Variants in MALRD1 observed in about 807,000 individuals in gnomAD.
MALRD1 encodes the protein MAM and LDL receptor class A domain containing 1.
MALRD1 carries 247 observed loss-of-function variants against 242.1 expected under a neutral mutation model. That is an observed-to-expected ratio of 1.02 (90% CI 0.92 to 1.13). The LOEUF is 1.13. MALRD1 is among the 50% of genes most tolerant of loss of function. The pLI, the probability that MALRD1 is intolerant of heterozygous loss-of-function variation, is 0.00. For missense variants in MALRD1, 2,989 were observed against 2,533.1 expected (o/e 1.18, Z -3.86); for synonymous variants, 995 against 866.6 (o/e 1.15, Z -2.60).
intron 33 of MALRD1, among the ~76,000 whole-genome samples, chr10:19,591,930 T>C (rs1052151526): frequency 6.6e-6 from 1 of 152,200 alleles, no homozygotes; most frequent in Non-Finnish European, 1.5e-5. Flanking sequence ...TATAGATTTA[T>C]AGTAGAATAC....
intron 12 of MALRD1, among the ~76,000 whole-genome samples, chr10:19,162,670 C>T (rs959073812): frequency 9.9e-5 from 15 of 151,994 alleles, no homozygotes; most frequent in African/African-American, 3.4e-4. Flanking sequence ...AATAACATGC[C>T]GGCAAGGTTG....
intron 11 of MALRD1, among the ~76,000 whole-genome samples, chr10:19,148,946 T>G (rs1469909467): frequency 6.6e-6 from 1 of 151,700 alleles, no homozygotes; most frequent in Non-Finnish European, 1.5e-5. Context: ...GAAAGGAAAG[T>G]GAAATGGAAA....
intron 36 of MALRD1, among the ~76,000 whole-genome samples, chr10:19,673,164 C>T (rs536285902): frequency 7.2e-5 from 11 of 152,110 alleles, no homozygotes; most frequent in East Asian, 3.9e-4. Context: ...GGGCAGATCC[C>T]GAGGTCAGGA....
chr10:19,152,905 G>T (rs1165003065), intron 11 of MALRD1, among the ~76,000 whole-genome samples: 1 of 151,962 alleles, frequency 6.6e-6, no homozygotes, highest in African/African-American at 2.4e-5. Flanking sequence ...ATTGATAGTT[G>T]TGACAGAAAT....
intron 21 of MALRD1, among the ~76,000 whole-genome samples, chr10:19,295,530 A>T (rs1456055370): frequency 1.3e-5 from 2 of 151,798 alleles, no homozygotes; most frequent in African/African-American, 4.8e-5. Flanking sequence ...CAGTCAGAAG[A>T]TAATAGATGT....
intron 29 of MALRD1, among the ~76,000 whole-genome samples, chr10:19,457,140 T>A (rs1835702639): frequency 6.6e-6 from 1 of 152,152 alleles, no homozygotes; most frequent in Non-Finnish European, 1.5e-5. Context: ...AATAGCTAGA[T>A]GTTACACCAA....
chr10:19,465,463 A>G (rs1836173961), intron 29 of MALRD1, among the ~76,000 whole-genome samples: 1 of 152,064 alleles, frequency 6.6e-6, no homozygotes, highest in African/African-American at 2.4e-5. Flanking sequence ...ACCTAACCCC[A>G]TGTTCTTAGG....
At chr10:19,624,086 A>C (rs535799427) in intron 36 of MALRD1, among the ~76,000 whole-genome samples, 2 of 152,288 alleles carry the variant, frequency 1.3e-5, no homozygotes, top group South Asian at 4.1e-4. Flanking sequence ...TGTAATTCTC[A>C]TGGAGGTGAA....
chr10:19,543,624 T>C (rs10827551), intron 32 of MALRD1, among the ~76,000 whole-genome samples: 132,468 of 151,702 alleles, frequency 0.87, 57,878 homozygotes, highest in African/African-American at 0.9. Flanking sequence ...CTTGTGATTG[T>C]CCCAACCATC....
chr10:19,291,940 G>A (rs1488791227), intron 21 of MALRD1, among the ~76,000 whole-genome samples: 1 of 151,698 alleles, frequency 6.6e-6, no homozygotes, highest in East Asian at 1.9e-4. Flanking sequence ...CAAAAAATTA[G>A]TCATACGTGG....
intron 36 of MALRD1, among the ~76,000 whole-genome samples, chr10:19,648,791 T>G (rs1216950680): frequency 6.6e-6 from 1 of 152,196 alleles, no homozygotes; most frequent in African/African-American, 2.4e-5. Context: ...GTTTGTTATA[T>G]AGGTAAATGT....
intron 18 of MALRD1, among the ~76,000 whole-genome samples, chr10:19,237,957 G>GAATTTTATATAGTTATATACATTGTAAA (rs1564491337): frequency 1.5e-5 from 1 of 64,744 alleles, no homozygotes; most frequent in Non-Finnish European, 2.9e-5. Flanking sequence ...TAAATTATAT[G>GAATTTTATATAGTTATATACATTGTAAA]TAATTTTATA....
intron 8 of MALRD1, among the ~76,000 whole-genome samples, chr10:19,129,443 C>T (rs900904124): frequency 3.3e-5 from 5 of 152,180 alleles, no homozygotes; most frequent in South Asian, 2.1e-4. Context: ...CCTCTAGGAA[C>T]CAAAATGCGT....
At chr10:19,386,667 T>G (rs908804090) in intron 26 of MALRD1, among the ~76,000 whole-genome samples, 6 of 151,894 alleles carry the variant, frequency 4.0e-5, no homozygotes, top group African/African-American at 1.2e-4. Context: ...GACCAGGCAC[T>G]GTTGTAGGCA....
chr10:19,585,831 G>A (rs1166095158), intron 33 of MALRD1, among the ~76,000 whole-genome samples: 1 of 152,056 alleles, frequency 6.6e-6, no homozygotes, highest in Non-Finnish European at 1.5e-5. Flanking sequence ...TTTCCAACTT[G>A]GTTCCATTCT....
chr10:19,123,298 G>GGTGT (rs1234064993), intron 5 of MALRD1, among the ~76,000 whole-genome samples, 194 bp from the exon 6 acceptor site: 4 of 137,432 alleles, frequency 2.9e-5, no homozygotes, highest in African/African-American at 1.2e-4. Flanking sequence ...CTATTTGAGT[G>GGTGT]GTGTGTATGT....
Position 19,305,901 on chromosome 10 carries a change from A to T in MALRD1, c.3420-18048A>T, listed in dbSNP as rs567193925. On this transcript the variant is annotated intron_variant, in intron 21 of 39. Coordinates refer to ENST00000454679, the MANE Select transcript of MALRD1 (RefSeq NM_001142308.3). ...AATATATATAATATATATTATATAT[A>T]CTATATACTATATTATATATTATAT... is the stretch of plus-strand genomic sequence containing the variant. 9.4e-3 allele frequency among the ~76,000 whole-genome samples: 1,219 copies of T among 130,226 alleles called. 24 individuals carry two copies. Among genetic ancestry groups the T allele is most frequent in the African/African-American group, 0.034 (1,154 of 34,008 alleles). The allele number at this position is 130,226 out of a possible 152,430, so 85.4% of individuals were successfully genotyped here. A position where few individuals can be genotyped will look rare whatever the true frequency, so the allele number is the denominator to read the frequency against.
intron 29 of MALRD1, among the ~76,000 whole-genome samples, chr10:19,479,137 G>T (rs1836875931): frequency 6.6e-6 from 1 of 152,170 alleles, no homozygotes; most frequent in African/African-American, 2.4e-5. Context: ...TGCTAGTATT[G>T]AGTATATAGT....
rs1337164103 is a variant in MALRD1 at position 19,708,304 on chromosome 10, G to GT, written c.6314+15761dup. Among the ~76,000 whole-genome samples the GT allele has an allele frequency of 1.1e-3, 105 of 95,862 alleles. 14 individuals are homozygous for GT. The highest frequency in any genetic ancestry group is 4.1e-3 in the South Asian group (10 of 2,416). The allele number at this position is 95,862 out of a possible 152,430, so 62.9% of individuals were successfully genotyped here. A position where few individuals can be genotyped will look rare whatever the true frequency, so the allele number is the denominator to read the frequency against. On this transcript the variant is annotated intron_variant, in intron 38 of 39. Transcript: ENST00000454679. ...ACCATGACTACATATGATGTTATGT[G>GT]TTTTTTTTTTTAACCTTCTTTTTCT...
Sources: allele counts gnomAD v4.1 joint callset (sites outside exome capture counted in the v4.1 genomes callset), GRCh38; gene constraint gnomAD v4.1.1; transcripts MANE v1.5; gene names NCBI Gene and HGNC (gene_info 2026-07-23, HGNC 2026-07-21).